Variants in VAT1L observed in about 807,000 individuals in gnomAD.
VAT1L encodes putative NADPH-dependent quinone oxidoreductase VAT1L.
A neutral mutation model predicts 44.1 loss-of-function variants in VAT1L; 34 were observed. The observed-to-expected ratio is 0.77, with a 90% confidence interval of 0.59 to 1.03. The LOEUF is 1.03. Among genes scored for constraint, VAT1L ranks in the 50% least tolerant of loss-of-function variants. VAT1L has a pLI of 0.00. For missense variants in VAT1L, 615 were observed against 538.8 expected (o/e 1.14, Z -1.40); for synonymous variants, 253 against 202.2 (o/e 1.25, Z -2.13).
At chr16:77,799,835 A>C (rs10514427) in intron 1 of VAT1L, among the ~76,000 whole-genome samples, 113,151 of 152,058 alleles carry the variant, frequency 0.74, 42,335 homozygotes, top group Admixed American at 0.79. Context: ...TCTTGTAGAT[A>C]TTTTTGGTAA....
chr16:77,937,264 G>GCAAATCAGT (rs1425849406), intron 7 of VAT1L, among the ~76,000 whole-genome samples: 2 of 152,132 alleles, frequency 1.3e-5, no homozygotes, highest in African/African-American at 4.8e-5. Context: ...TCCTCCTCAC[G>GCAAATCAGT]CAAATCAGTT....
chr16:77,839,286 A>G (rs1333682856), intron 3 of VAT1L, among the ~76,000 whole-genome samples: 1 of 152,038 alleles, frequency 6.6e-6, no homozygotes, highest in Non-Finnish European at 1.5e-5. Flanking sequence ...CTGTAATCCT[A>G]GCACTTTGGG....
rs2018282475 is a variant in VAT1L, at chr16:77,971,923, C to A, written c.1151C>A (p.Pro384Gln). ...TTAATTCTGGATGTAGAAAAGACCCCAACTCCACTGGTGAGTGAAAAGCAG... is the reference window on the plus strand; with the variant it reads ...TTAATTCTGGATGTAGAAAAGACCCAAACTCCACTGGTGAGTGAAAAGCAG... ...GKLILDVEKT[P>Q]TPLMANDSTE... The change falls in exon 8 of 9, where the codon CCA becomes CAA. Residue 384 changes from proline to glutamine, a missense_variant. Transcript: ENST00000302536. 6.2e-7 allele frequency: 1 copy of A among 1,613,588 alleles called. No individual in the cohort carries two copies. Among genetic ancestry groups the A allele is most frequent in the African/African-American group, 1.3e-5 (1 of 74,892 alleles).
intron 7 of VAT1L, among the ~76,000 whole-genome samples, chr16:77,944,146 A>T (rs962700097): frequency 6.6e-6 from 1 of 152,128 alleles, no homozygotes; most frequent in East Asian, 1.9e-4. Flanking sequence ...GAGGCCAGGG[A>T]TTGTGCTAAA....
chr16:77,820,316 C>T (rs2016430078), intron 2 of VAT1L, among the ~76,000 whole-genome samples: 1 of 152,176 alleles, frequency 6.6e-6, no homozygotes. Context: ...TAAGAAAACT[C>T]ACCATGGCCT....
At chr16:77,962,227 C>A (rs1325344081) in intron 7 of VAT1L, among the ~76,000 whole-genome samples, 1 of 152,154 alleles carries the variant, frequency 6.6e-6, no homozygotes, top group East Asian at 1.9e-4. Flanking sequence ...CCACCCACAC[C>A]ACCAGGAGGG....
chr16:77,946,279 C>CGTTTTTTT lies in VAT1L; in HGVS notation c.1078-25571_1078-25570insGTTTTTTT, dbSNP rs1223152362. The stretch of plus-strand genomic sequence containing the variant: ...GTTCTGGACATCTAGGTTACTTGTT[C>CGTTTTTTT]TTTTTTTTTTTTTTTTTTTTTTGAG... On this transcript the variant is annotated intron_variant, in intron 7 of 8. Transcript: ENST00000302536. 4.8e-4 allele frequency among the ~76,000 whole-genome samples: 34 copies of CGTTTTTTT among 70,416 alleles called. 4 individuals are homozygous for CGTTTTTTT. Among genetic ancestry groups the CGTTTTTTT allele is most frequent in the African/African-American group, 1.7e-3 (33 of 18,904 alleles). 46.2% of individuals were successfully genotyped at this position (70,416 alleles called of 152,430 possible).
At chr16:77,864,074 A>G (rs1044669654) in intron 4 of VAT1L, among the ~76,000 whole-genome samples, 1 of 152,154 alleles carries the variant, frequency 6.6e-6, no homozygotes, top group Non-Finnish European at 1.5e-5. Flanking sequence ...CATGTTTGTC[A>G]GCACAGGGAA....
intron 1 of VAT1L, among the ~76,000 whole-genome samples, chr16:77,815,954 G>T (rs76008463): frequency 0.02 from 245 of 12,368 alleles, 1 homozygote; most frequent in Middle Eastern, 0.1. Flanking sequence ...GACAACAGGA[G>T]CAAAACTCTG....
intron 3 of VAT1L, among the ~76,000 whole-genome samples, chr16:77,844,981 G>A (rs1429182880): frequency 1.3e-5 from 2 of 152,178 alleles, no homozygotes; most frequent in Non-Finnish European, 2.9e-5. Flanking sequence ...CAGAGATAAG[G>A]AGGCAGTTAT....
chr16:77,899,932 A>G (rs1247065691), intron 7 of VAT1L, among the ~76,000 whole-genome samples: 2 of 152,308 alleles, frequency 1.3e-5, no homozygotes, highest in East Asian at 3.9e-4. Context: ...CTCCAATTTC[A>G]TTGCATTTTT....
intron 4 of VAT1L, among the ~76,000 whole-genome samples, chr16:77,865,921 C>T (rs2016969292): frequency 6.6e-6 from 1 of 152,186 alleles, no homozygotes; most frequent in Non-Finnish European, 1.5e-5. Flanking sequence ...TATCTTTCCA[C>T]TGCCCTAGAT....
chr16:77,935,576 A>C (rs1171224341), intron 7 of VAT1L, among the ~76,000 whole-genome samples: 2 of 151,270 alleles, frequency 1.3e-5, no homozygotes, highest in African/African-American at 4.9e-5. Context: ...GGGAAGGGAG[A>C]AAAGGAGAAG....
At chr16:77,930,333 A>G (rs1310033488) in intron 7 of VAT1L, among the ~76,000 whole-genome samples, 1 of 151,826 alleles carries the variant, frequency 6.6e-6, no homozygotes, top group Non-Finnish European at 1.5e-5. Context: ...CTTTGGGGGG[A>G]CATGGCTTAG....
chr16:77,876,341 G>C (rs2017086595), intron 4 of VAT1L, 29 bp from the exon 5 acceptor site: 1 of 1,600,268 alleles, frequency 6.2e-7, no homozygotes, highest in Admixed American at 1.7e-5. Context: ...ACAGGTCACA[G>C]AATTTTGCTT....
intron 7 of VAT1L, among the ~76,000 whole-genome samples, chr16:77,938,871 TA>T (rs1343969180): frequency 8.6e-5 from 13 of 151,232 alleles, no homozygotes; most frequent in Non-Finnish European, 1.9e-4. Flanking sequence ...TACTTTATAT[TA>T]AAAGATCATC....
At chr16:77,811,417 C>A (rs996464160) in intron 1 of VAT1L, among the ~76,000 whole-genome samples, 48 of 150,846 alleles carry the variant, frequency 3.2e-4, no homozygotes, top group Admixed American at 3.2e-3. Context: ...TTAGCATATC[C>A]AAAAAAAAAT....
rs2016952314 is a variant in VAT1L at position 77,864,599 on chromosome 16, G to A, written c.722+1709G>A. Among the ~76,000 whole-genome samples, 4 of 152,142 alleles carry A rather than the reference G, an allele frequency of 2.6e-5. No homozygotes were observed. The South Asian group carries it at 8.3e-4, about 32-fold the overall frequency. On this transcript the variant is annotated intron_variant, in intron 4 of 8. Transcript: ENST00000302536. ...CCAGCATGGGTGACAGACAGCAAGA[G>A]CCTGTCTCAAAAGGGAAACAATTTT...
chr16:77,923,205 T>C (rs908246092), intron 7 of VAT1L, among the ~76,000 whole-genome samples: 1 of 152,138 alleles, frequency 6.6e-6, no homozygotes, highest in Non-Finnish European at 1.5e-5. Flanking sequence ...AATTGCAGCA[T>C]ATTGAGAGGC....
Sources: gnomAD v4.1 joint callset for allele counts (sites outside exome capture counted in the v4.1 genomes callset) on GRCh38, gnomAD v4.1.1 for gene constraint, MANE v1.5 for transcripts, NCBI Gene and HGNC (gene_info 2026-07-23, HGNC 2026-07-21) for gene names.